USP34: variants seen among roughly 807,000 people sequenced by gnomAD.
USP34 encodes ubiquitin specific peptidase 34, also known as ubiquitin carboxyl-terminal hydrolase 34.
USP34 carries 70 observed loss-of-function variants against 460.3 expected under a neutral mutation model. That is an observed-to-expected ratio of 0.15 (90% CI 0.13 to 0.19). USP34 has a LOEUF of 0.19. Among genes scored for constraint, USP34 ranks in the 10% least tolerant of loss-of-function variants. USP34 has a pLI of 1.00. For missense variants in USP34, 3,985 were observed against 4,236.2 expected (o/e 0.94, Z 1.65); for synonymous variants, 1,647 against 1,405.3 (o/e 1.17, Z -3.85).
chr2:61,449,211 C>T (rs1695202202), intron 1 of USP34, among the ~76,000 whole-genome samples: 1 of 150,032 alleles, frequency 6.7e-6, no homozygotes, highest in South Asian at 2.1e-4. Flanking sequence ...AGGCAGAAGT[C>T]ATGCCACTGT....
intron 53 of USP34, among the ~76,000 whole-genome samples, chr2:61,237,089 AC>A (rs1000323243): frequency 3.3e-5 from 5 of 152,124 alleles, no homozygotes; most frequent in Non-Finnish European, 5.9e-5. Context: ...TCTCCAGCCC[AC>A]TACACTAATT....
intron 41 of USP34, among the ~76,000 whole-genome samples, chr2:61,267,388 G>T (rs1689081751): frequency 6.6e-6 from 1 of 151,368 alleles, no homozygotes; most frequent in Non-Finnish European, 1.5e-5. Context: ...GTAATTCATA[G>T]TTCTTAGCAA....
At chr2:61,446,162 T>G (rs1320662665) in intron 1 of USP34, among the ~76,000 whole-genome samples, 1 of 149,444 alleles carries the variant, frequency 6.7e-6, no homozygotes, top group Non-Finnish European at 1.5e-5. Context: ...AATGTCTACA[T>G]ATTTATTCAT....
At chr2:61,411,380 CAA>C (rs35518324) in intron 2 of USP34, among the ~76,000 whole-genome samples, 84 of 118,020 alleles carry the variant, frequency 7.1e-4, no homozygotes, top group Non-Finnish European at 6.6e-4. Flanking sequence ...GATCCTGTCT[CAA>C]AAAAAAAAAA....
At chr2:61,347,431 T>C (rs1406095531) in intron 15 of USP34, among the ~76,000 whole-genome samples, 14 of 152,110 alleles carry the variant, frequency 9.2e-5, no homozygotes, top group Admixed American at 9.2e-4. Flanking sequence ...TGGAGTGCAG[T>C]GGTGTGATCT....
chr2:61,407,463 A>G (rs1039201959), intron 2 of USP34, among the ~76,000 whole-genome samples: 6 of 152,190 alleles, frequency 3.9e-5, no homozygotes, highest in African/African-American at 1.4e-4. Context: ...AAGCAACTAT[A>G]ATTTATAATC....
In USP34 at chr2:61,187,910, A is replaced by C; in HGVS notation, c.*192T>G. The C allele has an allele frequency of 7.0e-7, 1 of 1,418,926 alleles. No homozygotes were observed. The highest frequency in any genetic ancestry group is 9.2e-7 in the Non-Finnish European group (1 of 1,083,880). 87.9% of individuals were successfully genotyped at this position (1,418,926 alleles called of 1,614,324 possible). On this transcript the variant is annotated 3_prime_UTR_variant, in exon 80 of 80. Transcript: ENST00000398571. ...ATCCATTATCTGATTGCCCTTTAGGAAGTATACTGAAGATGCAAGTTTTTT... is the reference window on the plus strand; with the variant it reads ...ATCCATTATCTGATTGCCCTTTAGGCAGTATACTGAAGATGCAAGTTTTTT...
chr2:61,300,113 CTT>C (rs1690174903), intron 29 of USP34, among the ~76,000 whole-genome samples: 2 of 152,310 alleles, frequency 1.3e-5, no homozygotes, highest in South Asian at 4.1e-4. Context: ...GCTTTACTGA[CTT>C]TGTTACTTTC....
intron 62 of USP34, 142 bp from the exon 63 acceptor site, chr2:61,223,438 T>TAGCAAGCAAATGTA: frequency 2.4e-6 from 2 of 837,850 alleles, no homozygotes; most frequent in Non-Finnish European, 3.6e-6. Context: ...TAGCTACATT[T>TAGCAAGCAAATGTA]GCTTGCTAAA....
Position 61,470,714 on chromosome 2 carries a change from C to T in USP34, c.-22G>A. Reference sequence around the variant, plus strand: ...ACATCGTTCGGCCGCCGCCCCCCCCCTCCCCCGCTTCGGATCACACTGACT... The same window carrying T: ...ACATCGTTCGGCCGCCGCCCCCCCCTTCCCCCGCTTCGGATCACACTGACT... On this transcript the variant is annotated 5_prime_UTR_variant, in exon 1 of 80. Transcript: ENST00000398571. The T allele has an allele frequency of 1.9e-6, 3 of 1,587,220 alleles. No individual in the cohort carries two copies. Among genetic ancestry groups the T allele is most frequent in the Non-Finnish European group, 2.6e-6 (3 of 1,165,794 alleles).
At chr2:61,240,605 GCT>G (rs887453443) in intron 53 of USP34, among the ~76,000 whole-genome samples, 3 of 145,244 alleles carry the variant, frequency 2.1e-5, no homozygotes, top group African/African-American at 7.7e-5. Context: ...ACAGAGTTTT[GCT>G]CTGTTGCCCA....
chr2:61,353,674 A>G (rs1220364774), intron 10 of USP34, among the ~76,000 whole-genome samples: 2 of 151,194 alleles, frequency 1.3e-5, no homozygotes, highest in Non-Finnish European at 2.9e-5. Flanking sequence ...CAAGTGATCC[A>G]CCTGCCTCGG....
chr2:61,411,464 C>A, intron 2 of USP34, among the ~76,000 whole-genome samples: 1 of 152,038 alleles, frequency 6.6e-6, no homozygotes, highest in Non-Finnish European at 1.5e-5. Context: ...AGTACCCTTC[C>A]TATCTGGTAA....
chr2:61,379,277 G>C (rs1379894962), intron 7 of USP34, among the ~76,000 whole-genome samples: 1 of 152,116 alleles, frequency 6.6e-6, no homozygotes, highest in Non-Finnish European at 1.5e-5. Context: ...CCAACACTTT[G>C]GGAGGATGAG....
chr2:61,344,290 C>T (rs1691694085), intron 15 of USP34, among the ~76,000 whole-genome samples: 1 of 152,102 alleles, frequency 6.6e-6, no homozygotes, highest in Non-Finnish European at 1.5e-5. Context: ...CAATTTTAGG[C>T]AAGATCACTA....
intron 19 of USP34, 114 bp downstream of exon 19, chr2:61,333,768 A>G (rs1475250606): frequency 8.1e-6 from 5 of 620,650 alleles, no homozygotes; most frequent in Non-Finnish European, 1.2e-5. Context: ...AAACCACATG[A>G]AACTCAAATT....
chr2:61,391,376 C>A (rs1295994300), intron 5 of USP34, among the ~76,000 whole-genome samples: 9 of 152,028 alleles, frequency 5.9e-5, no homozygotes, highest in African/African-American at 1.9e-4. Context: ...AGAATGGGAT[C>A]ATTTCCTGAG....
At chr2:61,439,582 G>A (rs1284017826) in intron 1 of USP34, among the ~76,000 whole-genome samples, 1 of 152,134 alleles carries the variant, frequency 6.6e-6, no homozygotes, top group Non-Finnish European at 1.5e-5. Context: ...CTCACCACAA[G>A]CAGCTGTGGG....
At chr2:61,332,415 T>G (rs1691298697) in intron 19 of USP34, among the ~76,000 whole-genome samples, 1 of 152,050 alleles carries the variant, frequency 6.6e-6, no homozygotes, top group South Asian at 2.1e-4. Flanking sequence ...TGAATTTTCC[T>G]TAATTAAGCT....
Sources: allele counts gnomAD v4.1 joint callset (sites outside exome capture counted in the v4.1 genomes callset), GRCh38; gene constraint gnomAD v4.1.1; transcripts MANE v1.5; gene names NCBI Gene and HGNC (gene_info 2026-07-23, HGNC 2026-07-21).